The following ARFIP1 variants were observed in gnomAD, a reference collection of about 807,000 sequenced individuals.
The protein encoded by ARFIP1 is arfaptin-1.
Under a neutral mutation model 42.5 loss-of-function variants are expected in ARFIP1, and 24 were observed. The ratio of observed to expected loss-of-function variants is 0.57; its 90% CI spans 0.41 to 0.80. ARFIP1 has a LOEUF of 0.80. Among genes scored for constraint, ARFIP1 ranks in the 30% least tolerant of loss-of-function variants. The probability of loss-of-function intolerance (pLI) is 0.00; values close to 1 mark genes in which losing one functional copy is unlikely to be tolerated. For synonymous variants in ARFIP1, 141 were observed against 153.7 expected, an observed-to-expected ratio of 0.92 and a Z score of 0.61; for missense variants, 354 against 434.0, an observed-to-expected ratio of 0.82 and a Z score of 1.64.
chr4:152,780,771 T>C (rs1203462611), intron 1 of ARFIP1, among the ~76,000 whole-genome samples: 6 of 152,246 alleles, frequency 3.9e-5, no homozygotes, highest in Non-Finnish European at 7.3e-5. Flanking sequence ...TCGATTGTCT[T>C]CTGCTCCGTT....
rs779873004 is a variant in ARFIP1, at chr4:152,832,940, C to A, written c.93+3214C>A. Among the ~76,000 whole-genome samples, 3 of 152,084 alleles carry A rather than the reference C, an allele frequency of 2.0e-5. No homozygotes were observed. In the South Asian group the frequency reaches 6.2e-4, roughly 31 times the overall value. On this transcript the variant is annotated intron_variant, in intron 2 of 8. Transcript: ENST00000353617. ...AACTGTAAGACCTGAAATTATAAAACTTCTAGAAGAAAACATAGGGGAGAA... is the reference window on the plus strand; with the variant it reads ...AACTGTAAGACCTGAAATTATAAAAATTCTAGAAGAAAACATAGGGGAGAA...
chr4:152,849,437 T>C (rs1469524082), intron 2 of ARFIP1, among the ~76,000 whole-genome samples: 1 of 152,226 alleles, frequency 6.6e-6, no homozygotes, highest in Non-Finnish European at 1.5e-5. Context: ...TTATTTTGAA[T>C]GTAGATACAT....
intron 8 of ARFIP1, among the ~76,000 whole-genome samples, chr4:152,904,492 A>G (rs1738138155): frequency 6.6e-6 from 1 of 151,978 alleles, no homozygotes; most frequent in Non-Finnish European, 1.5e-5. Context: ...ACCTGGCCCC[A>G]TCACCTAAAT....
intron 8 of ARFIP1, among the ~76,000 whole-genome samples, chr4:152,890,833 A>G (rs1324316312): frequency 6.6e-6 from 1 of 152,202 alleles, no homozygotes; most frequent in Non-Finnish European, 1.5e-5. Context: ...GAATAATGTT[A>G]TTAGTACTAT....
intron 1 of ARFIP1, among the ~76,000 whole-genome samples, chr4:152,786,249 G>C (rs550454917): frequency 6.6e-6 from 1 of 152,340 alleles, no homozygotes; most frequent in Admixed American, 6.5e-5. Flanking sequence ...AGATCTGTAT[G>C]TCTTGCTGTC....
At chr4:152,898,576 C>T (rs183417605) in intron 8 of ARFIP1, among the ~76,000 whole-genome samples, 2 of 152,142 alleles carry the variant, frequency 1.3e-5, no homozygotes, top group Non-Finnish European at 2.9e-5. Flanking sequence ...TCACAGACTG[C>T]CTACGGAGAG....
chr4:152,843,674 C>CACA (rs1196663641), intron 2 of ARFIP1, among the ~76,000 whole-genome samples: 1 of 152,126 alleles, frequency 6.6e-6, no homozygotes, highest in Non-Finnish European at 1.5e-5. Flanking sequence ...TCTGCTGAGT[C>CACA]ACACAGGTTG....
chr4:152,907,954 T>C (rs938693305), intron 8 of ARFIP1, among the ~76,000 whole-genome samples: 10 of 152,236 alleles, frequency 6.6e-5, no homozygotes, highest in Admixed American at 6.5e-5. Context: ...TACTAGTTCG[T>C]GCCAGATTGT....
At chr4:152,895,764 G>A (rs1737270450) in intron 8 of ARFIP1, among the ~76,000 whole-genome samples, 1 of 151,830 alleles carries the variant, frequency 6.6e-6, no homozygotes, top group Admixed American at 6.6e-5. Flanking sequence ...GTTTCACTAT[G>A]TTGCCCAGGC....
intron 8 of ARFIP1, among the ~76,000 whole-genome samples, chr4:152,908,525 G>A (rs560536817): frequency 1.3e-5 from 2 of 151,870 alleles, no homozygotes; most frequent in Admixed American, 1.3e-4. Flanking sequence ...CAGGGGAATC[G>A]CTTGAACCCG....
chr4:152,852,207 T>C (rs1436564518), intron 2 of ARFIP1, among the ~76,000 whole-genome samples: 1 of 152,240 alleles, frequency 6.6e-6, no homozygotes, highest in East Asian at 1.9e-4. Flanking sequence ...TTAGGAATTT[T>C]ATGTTGTTAA....
At chr4:152,876,567 C>T (rs891180691) in intron 5 of ARFIP1, among the ~76,000 whole-genome samples, 3 of 152,122 alleles carry the variant, frequency 2.0e-5, no homozygotes, top group Admixed American at 6.6e-5. Flanking sequence ...CCTGACTATG[C>T]GATAGAAAAG....
chr4:152,833,379 C>T (rs1578893040), intron 2 of ARFIP1, among the ~76,000 whole-genome samples: 1 of 152,008 alleles, frequency 6.6e-6, no homozygotes, highest in East Asian at 1.9e-4. Context: ...ATCAAAAAGT[C>T]CAAAGGTAAG....
At chr4:152,852,392 A>G (rs1225807303) in intron 2 of ARFIP1, among the ~76,000 whole-genome samples, 1 of 152,138 alleles carries the variant, frequency 6.6e-6, no homozygotes, top group Non-Finnish European at 1.5e-5. Flanking sequence ...GCACTTTGGG[A>G]GGCTGAGGCG....
intron 1 of ARFIP1, among the ~76,000 whole-genome samples, chr4:152,800,487 CTG>C (rs150552263): frequency 1.6e-3 from 243 of 152,052 alleles, no homozygotes; most frequent in African/African-American, 5.4e-3. Flanking sequence ...ATTTAGGAAA[CTG>C]TATAGAAAAA....
intron 2 of ARFIP1, among the ~76,000 whole-genome samples, chr4:152,853,043 G>C (rs1161933974): frequency 6.6e-6 from 1 of 152,188 alleles, no homozygotes; most frequent in South Asian, 2.1e-4. Context: ...GGAGGGATTT[G>C]AGTGACTGTA....
intron 1 of ARFIP1, among the ~76,000 whole-genome samples, chr4:152,795,360 C>G (rs1731379256): frequency 6.6e-6 from 1 of 152,014 alleles, no homozygotes; most frequent in Non-Finnish European, 1.5e-5. Flanking sequence ...TTCTTTATTT[C>G]CCCCCACAGT....
At chr4:152,796,474 T>C in intron 1 of ARFIP1, 1 of 731,876 alleles carries the variant, frequency 1.4e-6, no homozygotes, top group South Asian at 1.5e-5. Flanking sequence ...GCACATACTT[T>C]AGGCAGAGGG....
Position 152,796,751 on chromosome 4 carries a change from G to A in ARFIP1, c.-10+16525G>A, listed in dbSNP as rs55730452. 12,028 of 762,346 alleles carry A rather than the reference G, an allele frequency of 0.016. 957 individuals are homozygous for A. The African/African-American group carries it at 0.18, about 11-fold the overall frequency. 47.2% of individuals were successfully genotyped at this position (762,346 alleles called of 1,614,324 possible). ...TTCTTTGAACATTCTTGAGCTTCTC[G>A]ACTTTCCTTCTTTCTCTTTCTCTCA... On this transcript the variant is annotated intron_variant, in intron 1 of 8. Coordinates refer to ENST00000353617, the MANE Select transcript of ARFIP1 (RefSeq NM_001025595.3).
Sources: gnomAD v4.1 joint callset for allele counts (sites outside exome capture counted in the v4.1 genomes callset) on GRCh38, gnomAD v4.1.1 for gene constraint, MANE v1.5 for transcripts, NCBI Gene and HGNC (gene_info 2026-07-23, HGNC 2026-07-21) for gene names.